STK31: variants seen among roughly 807,000 people sequenced by gnomAD.
STK31 encodes serine/threonine kinase 31.
A neutral mutation model predicts 129.7 loss-of-function variants in STK31; 89 were observed. That is an observed-to-expected ratio of 0.69 (90% CI 0.58 to 0.82). The LOEUF is 0.82. Among genes scored for constraint, STK31 ranks in the 40% least tolerant of loss-of-function variants. The pLI is 0.00. For synonymous variants in STK31, 448 were observed against 395.3 expected, an observed-to-expected ratio of 1.13 and a Z score of -1.58; for missense variants, 1,187 against 1,176.4, an observed-to-expected ratio of 1.01 and a Z score of -0.13.
intron 8 of STK31, among the ~76,000 whole-genome samples, chr7:23,739,836 T>C (rs995410649): frequency 2.0e-5 from 3 of 152,180 alleles, no homozygotes; most frequent in African/African-American, 7.2e-5. Context: ...GATCTTTATA[T>C]CTGTTTTGGT....
intron 10 of STK31, among the ~76,000 whole-genome samples, chr7:23,760,437 G>A (rs566202458): frequency 4.6e-5 from 7 of 152,248 alleles, no homozygotes; most frequent in Admixed American, 2.6e-4. Flanking sequence ...GTTATTTTAC[G>A]TATTAGATTC....
chr7:23,832,388 G>C lies in STK31; in HGVS notation c.*22G>C. On this transcript the variant is annotated 3_prime_UTR_variant, in exon 24 of 24. Coordinates refer to ENST00000355870, the MANE Select transcript of STK31 (RefSeq NM_031414.5). ...TTAAATTATTATTGTTGTTGTTGCA[G>C]AGGTTCTTTTTAAAAACTTTGGTTT... The C allele has an allele frequency of 6.4e-7, 1 of 1,563,968 alleles. No homozygotes were observed. Among genetic ancestry groups the C allele is most frequent in the South Asian group, 1.2e-5 (1 of 86,216 alleles).
At chr7:23,726,953 T>A (rs544280796) in intron 4 of STK31, among the ~76,000 whole-genome samples, 62 of 147,802 alleles carry the variant, frequency 4.2e-4, no homozygotes, top group East Asian at 3.9e-3. Flanking sequence ...CCTTAAAAAA[T>A]TTTTTTTTTT....
intron 23 of STK31, among the ~76,000 whole-genome samples, chr7:23,817,872 TTCTC>T (rs1455858870): frequency 6.6e-6 from 1 of 152,128 alleles, no homozygotes; most frequent in African/African-American, 2.4e-5. Context: ...AGTTTCAGTC[TTCTC>T]TCTTTTTTTT....
chr7:23,828,274 T>C (rs1440177397), intron 23 of STK31, among the ~76,000 whole-genome samples: 2 of 152,210 alleles, frequency 1.3e-5, no homozygotes, highest in African/African-American at 2.4e-5. Context: ...TTTGTTTACC[T>C]ACTCAAGCCT....
intron 4 of STK31, among the ~76,000 whole-genome samples, chr7:23,724,154 T>C (rs1466037962): frequency 1.3e-5 from 2 of 152,222 alleles, no homozygotes; most frequent in Middle Eastern, 3.2e-3. Flanking sequence ...TCATTATAAT[T>C]AGATATAAAT....
chr7:23,748,594 C>T (rs79474165), intron 8 of STK31, among the ~76,000 whole-genome samples: 2,238 of 152,296 alleles, frequency 0.015, 44 homozygotes, highest in African/African-American at 0.05. Flanking sequence ...CTCTCCTCTT[C>T]CTCCCTGTCC....
intron 5 of STK31, among the ~76,000 whole-genome samples, chr7:23,728,072 C>CTTT (rs56355518): frequency 1.5e-4 from 10 of 68,266 alleles, no homozygotes; most frequent in South Asian, 4.4e-4. Context: ...TTGTGTTAAG[C>CTTT]TTTTTTTTTT....
At chr7:23,815,115 C>T in intron 22 of STK31, 29 bp from the exon 23 acceptor site, 1 of 1,541,918 alleles carries the variant, frequency 6.5e-7, no homozygotes, top group Non-Finnish European at 8.9e-7. Flanking sequence ...ATACATTGGA[C>T]ATTTATTCAT....
Position 23,777,619 on chromosome 7 carries a change from G to A in STK31, c.1966-3800G>A, listed in dbSNP as rs1362307326. On this transcript the variant is annotated intron_variant, in intron 15 of 23. Coordinates refer to ENST00000355870, the MANE Select transcript of STK31 (RefSeq NM_031414.5). ...ATTTTTATTTTTTTTTATCTTCGTT[G>A]GTTTAAAGTCTGTTTTATCAGATAC... Among the ~76,000 whole-genome samples, 5 of 151,780 alleles carry A rather than the reference G, an allele frequency of 3.3e-5. No homozygotes were observed. In the East Asian group the frequency reaches 5.8e-4, roughly 18 times the overall value.
At chr7:23,730,878 A>ATATATATATATTTTTTTTTTTT in intron 6 of STK31, among the ~76,000 whole-genome samples, 1 of 59,552 alleles carries the variant, frequency 1.7e-5, no homozygotes, top group Non-Finnish European at 3.3e-5. Flanking sequence ...ATATATATAT[A>ATATATATATATTTTTTTTTTTT]TTTTTTTTTT....
chr7:23,797,130 C>T lies in STK31; in HGVS notation c.2760+6184C>T, dbSNP rs192199469. Reference sequence around the variant, plus strand: ...ATTCATAAAGCAAGATCTTAGAGACCTACAAAGAGACTTAGACTCCCACAC... The same window carrying T: ...ATTCATAAAGCAAGATCTTAGAGACTTACAAAGAGACTTAGACTCCCACAC... On this transcript the variant is annotated intron_variant, in intron 22 of 23. Transcript: ENST00000355870. Among the ~76,000 whole-genome samples the T allele has an allele frequency of 2.4e-4, 37 of 152,198 alleles. No individual in the cohort carries two copies. In the East Asian group the frequency reaches 5.8e-3, roughly 24 times the overall value.
At chr7:23,812,380 T>C (rs1266719010) in intron 22 of STK31, among the ~76,000 whole-genome samples, 2 of 151,626 alleles carry the variant, frequency 1.3e-5, no homozygotes, top group Non-Finnish European at 2.9e-5. Flanking sequence ...TCTTTGTCTT[T>C]AGTTTTCCCA....
upstream of STK31, chr7:23,710,218 T>C (rs1785839176): frequency 6.2e-7 from 1 of 1,610,652 alleles, no homozygotes; most frequent in Admixed American, 1.7e-5. Context: ...GTGGGGCCCT[T>C]GCGGTCGAAG....
chr7:23,818,530 G>T (rs1485822583), intron 23 of STK31, among the ~76,000 whole-genome samples: 3 of 151,996 alleles, frequency 2.0e-5, no homozygotes, highest in Non-Finnish European at 4.4e-5. Flanking sequence ...TCATATCCCA[G>T]TGCCTCACTC....
At chr7:23,734,014 A>G (rs906967540) in intron 6 of STK31, among the ~76,000 whole-genome samples, 2 of 152,098 alleles carry the variant, frequency 1.3e-5, no homozygotes, top group Admixed American at 1.3e-4. Context: ...TGAAGAGAAA[A>G]TAGTTCTTAA....
chr7:23,752,940 G>T (rs998280310), intron 9 of STK31, 108 bp downstream of exon 9: 12 of 693,862 alleles, frequency 1.7e-5, no homozygotes, highest in Non-Finnish European at 2.7e-5. Context: ...TTTAACCTTT[G>T]TATTTTTATG....
chr7:23,828,882 C>G (rs1794361503), intron 23 of STK31, among the ~76,000 whole-genome samples: 1 of 151,740 alleles, frequency 6.6e-6, no homozygotes, highest in African/African-American at 2.4e-5. Flanking sequence ...GAATGTTTTT[C>G]TTTTTCTTTC....
intron 11 of STK31, among the ~76,000 whole-genome samples, chr7:23,766,322 G>A (rs1406128268): frequency 6.6e-6 from 1 of 151,944 alleles, no homozygotes; most frequent in Non-Finnish European, 1.5e-5. Flanking sequence ...GAGTGCAGTG[G>A]TGCCATCTCA....
Sources: allele counts gnomAD v4.1 joint callset (sites outside exome capture counted in the v4.1 genomes callset), GRCh38; gene constraint gnomAD v4.1.1; transcripts MANE v1.5; gene names NCBI Gene and HGNC (gene_info 2026-07-23, HGNC 2026-07-21).